LTN1: variants seen among roughly 807,000 people sequenced by gnomAD.
LTN1 encodes listerin E3 ubiquitin protein ligase 1, also known as E3 ubiquitin-protein ligase listerin.
LTN1 carries 88 observed loss-of-function variants against 201.2 expected under a neutral mutation model. The ratio of observed to expected loss-of-function variants is 0.44; its 90% CI spans 0.37 to 0.52. LTN1 has a LOEUF of 0.52. Among genes scored for constraint, LTN1 ranks in the 20% least tolerant of loss-of-function variants. LTN1 has a pLI of 0.00. For synonymous variants in LTN1, 645 were observed against 713.5 expected (o/e 0.90, Z 1.53); for missense variants, 1,752 against 2,038.7 (o/e 0.86, Z 2.71).
intron 6 of LTN1, among the ~76,000 whole-genome samples, chr21:28,980,569 C>CAAA (rs565993803): frequency 7.5e-6 from 1 of 132,928 alleles, no homozygotes; most frequent in Non-Finnish European, 1.6e-5. Flanking sequence ...AAAGAACTAC[C>CAAA]AAAAAAAAAA....
chr21:28,932,845 A>G (rs1648996343), intron 27 of LTN1, among the ~76,000 whole-genome samples, 181 bp from the exon 28 acceptor site: 1 of 152,208 alleles, frequency 6.6e-6, no homozygotes, highest in Non-Finnish European at 1.5e-5. Context: ...GTATATTTTT[A>G]CAGTGATTTT....
In LTN1 at chr21:28,958,478, T is replaced by A; in HGVS notation, c.2655A>T (p.Gln885His). The A allele has an allele frequency of 6.2e-7, 1 of 1,612,320 alleles. No individual in the cohort carries two copies. The highest frequency in any genetic ancestry group is 8.5e-7 in the Non-Finnish European group (1 of 1,179,162). The change falls in exon 14 of 30, where the codon CAA (glutamine) becomes CAT (histidine). Residue 885 changes from glutamine to histidine, a missense_variant. Transcript: ENST00000361371. ...TACTCTCTTTATATGAACTGTCAGT[T>A]TGATGAACCAATAAATTTACACCAG... is the stretch of plus-strand genomic sequence containing the variant. ...WLSGVNLLVH[Q>H]TDSSYKESTF...
intron 17 of LTN1, 41 bp downstream of exon 17, chr21:28,953,176 T>C: frequency 1.4e-6 from 2 of 1,470,082 alleles, no homozygotes; most frequent in Non-Finnish European, 1.8e-6. Flanking sequence ...CATAAAGAAG[T>C]AGCATAGTCA....
intron 6 of LTN1, among the ~76,000 whole-genome samples, chr21:28,979,319 G>C (rs2084640642): frequency 6.6e-6 from 1 of 152,176 alleles, no homozygotes; most frequent in Admixed American, 6.5e-5. Context: ...AATTTCTTAA[G>C]ATCCAAGGAC....
intron 18 of LTN1, among the ~76,000 whole-genome samples, chr21:28,950,095 TGTTCAGAACA>T (rs2084370760): frequency 6.6e-6 from 1 of 152,192 alleles, no homozygotes; most frequent in Non-Finnish European, 1.5e-5. Context: ...ATGTATACTA[TGTTCAGAACA>T]GTTTACTAAG....
At chr21:28,969,114 G>C (rs1323317407) in intron 9 of LTN1, among the ~76,000 whole-genome samples, 1 of 151,802 alleles carries the variant, frequency 6.6e-6, no homozygotes, top group African/African-American at 2.4e-5. Flanking sequence ...CCAGCTACTT[G>C]GGAGGCTGAG....
intron 23 of LTN1, 103 bp from the exon 24 acceptor site, chr21:28,943,439 T>G: frequency 1.4e-6 from 1 of 737,792 alleles, no homozygotes; most frequent in Admixed American, 2.6e-5. Context: ...GAGTAAATGT[T>G]TTAATGAGTT....
chr21:28,955,328 T>C (rs145751856), intron 16 of LTN1, among the ~76,000 whole-genome samples: 2 of 152,014 alleles, frequency 1.3e-5, no homozygotes, highest in Non-Finnish European at 2.9e-5. Flanking sequence ...AAATAACAAA[T>C]GCTGGCAAGA....
intron 4 of LTN1, among the ~76,000 whole-genome samples, chr21:28,982,618 T>C (rs1001051869): frequency 8.5e-5 from 13 of 152,356 alleles, no homozygotes; most frequent in African/African-American, 2.2e-4. Flanking sequence ...CACTTGTTCC[T>C]CCATTTCTCT....
rs747748432 is a variant in LTN1 at position 28,941,422 on chromosome 21, T to G, written c.4296-16A>C. The G allele has an allele frequency of 6.4e-7, 1 of 1,566,532 alleles. No individual in the cohort carries two copies. The highest frequency in any genetic ancestry group is 8.7e-7 in the Non-Finnish European group (1 of 1,151,510). On this transcript the variant is annotated splice_polypyrimidine_tract_variant and intron_variant, in intron 24 of 29. Coordinates refer to ENST00000361371, the MANE Select transcript of LTN1 (RefSeq NM_015565.3). ...TGGTGGTGACCTAAGAATCAATGAT[T>G]AAACACCACAAGTTTTCTTTATAAT...
At position 28,992,858 on chromosome 21, in the gene LTN1, G is replaced by A. The variant is rs759686233; in HGVS notation, c.-53C>T. 2.4e-5 allele frequency: 38 copies of A among 1,613,776 alleles called. No individual in the cohort carries two copies. The highest frequency in any genetic ancestry group is 1.6e-4 in the Middle Eastern group (1 of 6,082). Reference sequence around the variant, plus strand: ...ACTCAGACCCCGGTTGACACGTCCGGGACACAACTTCCGGCTTCTGGCGGC... The same window carrying A: ...ACTCAGACCCCGGTTGACACGTCCGAGACACAACTTCCGGCTTCTGGCGGC... On this transcript the variant is annotated 5_prime_UTR_variant, in exon 1 of 30. Coordinates refer to ENST00000361371, the MANE Select transcript of LTN1 (RefSeq NM_015565.3).
chr21:28,956,538 C>T (rs1050337541), intron 16 of LTN1, among the ~76,000 whole-genome samples: 1 of 152,086 alleles, frequency 6.6e-6, no homozygotes, highest in African/African-American at 2.4e-5. Flanking sequence ...CACCAAATTA[C>T]GATCCACAGT....
chr21:28,975,124 G>C (rs1237668678), intron 6 of LTN1, among the ~76,000 whole-genome samples: 1 of 152,194 alleles, frequency 6.6e-6, no homozygotes, highest in Non-Finnish European at 1.5e-5. Context: ...GGATAAGACA[G>C]TTAACTGATG....
At chr21:28,968,978 T>C (rs567424816) in intron 9 of LTN1, among the ~76,000 whole-genome samples, 8 of 151,806 alleles carry the variant, frequency 5.3e-5, no homozygotes, top group African/African-American at 9.6e-5. Context: ...CCCAGCACTT[T>C]GTGAAGCCGA....
At position 28,986,595 on chromosome 21, in the gene LTN1, TGTGTCAGAAAAAA is replaced by T; in HGVS notation, c.246+123_246+135del. 1.4e-6 allele frequency: 1 copy of T among 700,364 alleles called. No homozygotes were observed. The highest frequency in any genetic ancestry group is 2.4e-6 in the Non-Finnish European group (1 of 420,864). 43.4% of individuals were successfully genotyped at this position (700,364 alleles called of 1,614,324 possible). A position where few individuals can be genotyped will look rare whatever the true frequency, so the allele number is the denominator to read the frequency against. ...TAAATATCAACTAAGTTTAAGACTC[TGTGTCAGAAAAAA>T]GTACAATTATAAAAGAACTTAGCAA... is the stretch of plus-strand genomic sequence containing the variant. On this transcript the variant is annotated intron_variant, in intron 2 of 29. Transcript: ENST00000361371. The surrounding 1 kb of genome is among the most constrained non-coding windows in gnomAD (Gnocchi z 4.1).
intron 29 of LTN1, 52 bp downstream of exon 29, chr21:28,931,103 A>T: frequency 3.0e-6 from 3 of 1,007,174 alleles, no homozygotes; most frequent in Non-Finnish European, 4.5e-6. Context: ...GTGTGTGTTT[A>T]TGTGTATAAA....
At chr21:28,992,635 A>G (rs1417852892) in intron 1 of LTN1, 129 bp downstream of exon 1, 13 of 937,750 alleles carry the variant, frequency 1.4e-5, no homozygotes, top group Non-Finnish European at 2.0e-5. Flanking sequence ...CACAACAGAG[A>G]GGTCACACTC....
intron 6 of LTN1, among the ~76,000 whole-genome samples, chr21:28,979,203 C>T (rs758042751): frequency 6.6e-6 from 1 of 152,194 alleles, no homozygotes; most frequent in African/African-American, 2.4e-5. Context: ...AGAGTCATCA[C>T]GTATTGATGG....
At chr21:28,937,576 T>C (rs1270460149) in intron 25 of LTN1, among the ~76,000 whole-genome samples, 1 of 152,182 alleles carries the variant, frequency 6.6e-6, no homozygotes, top group Non-Finnish European at 1.5e-5. Context: ...GATCAAGTCA[T>C]AGGATTTGGA....
Sources: gnomAD v4.1 joint callset for allele counts (sites outside exome capture counted in the v4.1 genomes callset) on GRCh38, gnomAD v4.1.1 for gene constraint, Gnocchi (gnomAD v3.1) non-coding constraint, MANE v1.5 for transcripts, NCBI Gene and HGNC (gene_info 2026-07-23, HGNC 2026-07-21) for gene names.